Variants in SCFD2 observed in about 807,000 individuals in gnomAD.
SCFD2 encodes the protein sec1 family domain-containing protein 2.
In SCFD2, 54 loss-of-function variants were observed where a neutral mutation model predicts 58.9. The observed-to-expected ratio is 0.92, with a 90% CI of 0.74 to 1.15. The LOEUF (loss-of-function observed/expected upper bound fraction) is 1.15. SCFD2 is among the 50% of genes most tolerant of loss of function. SCFD2 has a pLI of 0.00. For missense variants in SCFD2, 805 were observed against 836.6 expected, an observed-to-expected ratio of 0.96 and a Z score of 0.47; for synonymous variants, 321 against 335.9, an observed-to-expected ratio of 0.96 and a Z score of 0.49.
At chr4:53,012,134 A>G (rs755849461) in intron 5 of SCFD2, among the ~76,000 whole-genome samples, 2 of 152,072 alleles carry the variant, frequency 1.3e-5, no homozygotes, top group South Asian at 2.1e-4. Flanking sequence ...CAAAGGGTCA[A>G]TGGATCCTAA....
At chr4:53,116,433 G>A (rs1462639316) in intron 5 of SCFD2, among the ~76,000 whole-genome samples, 1 of 152,174 alleles carries the variant, frequency 6.6e-6, no homozygotes, top group African/African-American at 2.4e-5. Flanking sequence ...TTTCTGCCCA[G>A]AAGTGCCACA....
At chr4:53,236,731 T>A (rs996171123) in intron 4 of SCFD2, among the ~76,000 whole-genome samples, 74 of 150,888 alleles carry the variant, frequency 4.9e-4, no homozygotes, top group Non-Finnish European at 8.3e-4. Context: ...TATATTTATA[T>A]TGCTTTAAAA....
chr4:53,325,211 A>G (rs937889339), intron 2 of SCFD2, among the ~76,000 whole-genome samples: 2 of 150,858 alleles, frequency 1.3e-5, no homozygotes, highest in African/African-American at 2.5e-5. Context: ...GCACGCTTAC[A>G]TATTTGTGAC....
chr4:52,992,309 G>A lies in SCFD2; in HGVS notation c.1562-71439C>T, dbSNP rs369113652. On this transcript the variant is annotated intron_variant, in intron 5 of 8. Transcript: ENST00000401642. ...CTCCTGAGGTGCCGGGATTGCAGAC[G>A]GAGTCTCCCTCACTCAGTGCTCAAT... is the stretch of plus-strand genomic sequence containing the variant. 4.6e-5 allele frequency among the ~76,000 whole-genome samples: 7 copies of A among 152,300 alleles called. No homozygotes were observed. The East Asian group carries it at 7.7e-4, about 17-fold the overall frequency.
chr4:52,916,095 C>A (rs182129107), intron 6 of SCFD2, among the ~76,000 whole-genome samples: 3 of 152,196 alleles, frequency 2.0e-5, no homozygotes, highest in Non-Finnish European at 2.9e-5. Flanking sequence ...GCAAGCCATG[C>A]GAGAGCCATA....
intron 4 of SCFD2, among the ~76,000 whole-genome samples, chr4:53,237,414 C>T (rs1313488372): frequency 6.8e-6 from 1 of 147,814 alleles, no homozygotes. Flanking sequence ...CAGTAGGGGG[C>T]GGCCGGGCAG....
At chr4:53,207,506 T>TAAATA (rs1239127260) in intron 4 of SCFD2, among the ~76,000 whole-genome samples, 1 of 12,118 alleles carries the variant, frequency 8.3e-5, no homozygotes, top group African/African-American at 3.6e-4. Context: ...TATATATATA[T>TAAATA]TATATATATT....
chr4:53,293,111 T>A (rs1731899922), intron 3 of SCFD2, among the ~76,000 whole-genome samples: 1 of 152,086 alleles, frequency 6.6e-6, no homozygotes, highest in South Asian at 2.1e-4. Context: ...CACCATAGAA[T>A]ATTATGCAGC....
At chr4:52,940,569 T>C (rs1273199416) in intron 5 of SCFD2, among the ~76,000 whole-genome samples, 3 of 152,156 alleles carry the variant, frequency 2.0e-5, no homozygotes, top group Non-Finnish European at 1.5e-5. Flanking sequence ...ACTCTTGTAA[T>C]CTGGGGATTC....
intron 5 of SCFD2, among the ~76,000 whole-genome samples, chr4:52,970,440 C>T (rs1721069674): frequency 6.6e-6 from 1 of 152,226 alleles, no homozygotes; most frequent in South Asian, 2.1e-4. Flanking sequence ...AGTCTGAGAT[C>T]AAACTGCAAG....
At chr4:53,241,448 T>C (rs1729889799) in intron 4 of SCFD2, among the ~76,000 whole-genome samples, 1 of 152,194 alleles carries the variant, frequency 6.6e-6, no homozygotes, top group South Asian at 2.1e-4. Flanking sequence ...CCAGCCTGGC[T>C]GTGCCTGTTT....
chr4:53,229,367 A>G (rs1729350665), intron 4 of SCFD2, among the ~76,000 whole-genome samples: 1 of 152,218 alleles, frequency 6.6e-6, no homozygotes, highest in South Asian at 2.1e-4. Flanking sequence ...CTGACTTCAA[A>G]CTATACTACA....
In SCFD2 at chr4:53,074,723, C is replaced by CT. The variant is rs553321546; in HGVS notation, c.1561+70609dup. On this transcript the variant is annotated intron_variant, in intron 5 of 8. Transcript: ENST00000401642. ...ATTGTTAATAAGCAGAAAAAAGGAA[C>CT]TTTTTTTTCTGAGCAGTGGTTCTCC... Among the ~76,000 whole-genome samples the CT allele has an allele frequency of 1.2e-4, 19 of 152,020 alleles. 1 individual carries two copies. In the South Asian group the frequency reaches 3.7e-3, roughly 30 times the overall value.
At chr4:53,263,236 C>T (rs561741172) in intron 4 of SCFD2, among the ~76,000 whole-genome samples, 9 of 152,184 alleles carry the variant, frequency 5.9e-5, no homozygotes, top group South Asian at 4.2e-4. Context: ...AATCGACCTT[C>T]GAATTCTTTT....
At chr4:53,260,453 G>A (rs1577909483) in intron 4 of SCFD2, among the ~76,000 whole-genome samples, 1 of 152,050 alleles carries the variant, frequency 6.6e-6, no homozygotes, top group African/African-American at 2.4e-5. Context: ...GCTGGATTTT[G>A]TCCATTGCTT....
At position 53,352,690 on chromosome 4, in the gene SCFD2, A is replaced by G. The variant is rs781196003; in HGVS notation, c.915T>C (p.Asn305=). The G allele has an allele frequency of 3.7e-6, 6 of 1,614,008 alleles. No homozygotes were observed. In the Admixed American group the frequency reaches 1.0e-4, roughly 27 times the overall value. Residue 305 remains asparagine, a synonymous_variant, in exon 2 of 9, where the codon AAT becomes AAC. Transcript: ENST00000401642. ...SALPQLPGHT[N]DVMVNMIALT... ...GCGCTATCATGTTAACCATCACATCATTTGTGTGGCCTGGGAGCTGGGGAA... is the reference window on the plus strand; with the variant it reads ...GCGCTATCATGTTAACCATCACATCGTTTGTGTGGCCTGGGAGCTGGGGAA...
chr4:53,145,703 T>C, intron 4 of SCFD2, 121 bp from the exon 5 acceptor site: 1 of 889,272 alleles, frequency 1.1e-6, no homozygotes, highest in Non-Finnish European at 1.7e-6. Context: ...ACTGCATCAC[T>C]TTTTATTTGT....
chr4:53,146,175 A>G lies in SCFD2; in HGVS notation c.1312-593T>C, dbSNP rs1422199198. On this transcript the variant is annotated intron_variant, in intron 4 of 8. Coordinates refer to ENST00000401642, the MANE Select transcript of SCFD2 (RefSeq NM_152540.4). ...ATTTCTTTGAGTGAGTCAGTAGATA[A>G]CTCGCATTAAATTTAAAAAAATTGC... Among the ~76,000 whole-genome samples, 4 of 152,236 alleles carry G rather than the reference A, an allele frequency of 2.6e-5. 1 individual carries two copies. Among genetic ancestry groups the G allele is most frequent in the East Asian group, 3.9e-4 (2 of 5,188 alleles).
At chr4:53,128,126 T>G (rs1296315722) in intron 5 of SCFD2, among the ~76,000 whole-genome samples, 1 of 150,164 alleles carries the variant, frequency 6.7e-6, no homozygotes, top group African/African-American at 2.4e-5. Context: ...TTGTTGAATC[T>G]GACATTAAAA....
Sources: gnomAD v4.1 joint callset for allele counts (sites outside exome capture counted in the v4.1 genomes callset) on GRCh38, gnomAD v4.1.1 for gene constraint, MANE v1.5 for transcripts, NCBI Gene and HGNC (gene_info 2026-07-23, HGNC 2026-07-21) for gene names.